The following MTA3 variants were observed in gnomAD, a reference collection of about 807,000 sequenced individuals.
The protein encoded by MTA3 is metastasis associated 1 family member 3, also known as metastasis-associated protein MTA3.
A neutral mutation model predicts 83.5 loss-of-function variants in MTA3; 34 were observed. The observed-to-expected ratio is 0.41, with a 90% CI of 0.31 to 0.54. MTA3 has a LOEUF of 0.54. Among genes scored for constraint, MTA3 ranks in the 20% least tolerant of loss-of-function variants. The pLI is 0.33. For missense variants in MTA3, 761 were observed against 726.4 expected (o/e 1.05, Z -0.55); for synonymous variants, 303 against 252.7 (o/e 1.20, Z -1.89).
intron 6 of MTA3, among the ~76,000 whole-genome samples, chr2:42,651,543 G>C (rs183502348): frequency 2.7e-5 from 4 of 150,696 alleles, no homozygotes; most frequent in African/African-American, 9.8e-5. Context: ...TAATCCCAGT[G>C]CTTAGGAATT....
intron 4 of MTA3, among the ~76,000 whole-genome samples, chr2:42,638,629 A>C (rs1687409732): frequency 1.3e-5 from 2 of 151,840 alleles, no homozygotes; most frequent in African/African-American, 2.4e-5. Flanking sequence ...GGCCTCCCAA[A>C]GTGCTGAGAT....
chr2:42,676,432 C>G (rs1477492715), intron 8 of MTA3, among the ~76,000 whole-genome samples: 1 of 152,136 alleles, frequency 6.6e-6, no homozygotes, highest in Non-Finnish European at 1.5e-5. Context: ...GAAAAATGCA[C>G]TTAATTCTGT....
intron 3 of MTA3, among the ~76,000 whole-genome samples, chr2:42,608,302 A>C (rs1683751965): frequency 1.3e-5 from 2 of 152,248 alleles, no homozygotes; most frequent in Admixed American, 1.3e-4. Flanking sequence ...TGCAGCAGCA[A>C]CTTTATCAAT....
At chr2:42,730,364 G>A (rs1436391771) in intron 16 of MTA3, among the ~76,000 whole-genome samples, 1 of 152,136 alleles carries the variant, frequency 6.6e-6, no homozygotes, top group African/African-American at 2.4e-5. Flanking sequence ...GTTATATATG[G>A]CTTTTATTGT....
At chr2:42,601,148 A>C (rs1291567206) in intron 3 of MTA3, among the ~76,000 whole-genome samples, 1 of 151,304 alleles carries the variant, frequency 6.6e-6, no homozygotes, top group Admixed American at 6.6e-5. Context: ...CTCACGATCT[A>C]CCCGCCTTGG....
intron 11 of MTA3, among the ~76,000 whole-genome samples, chr2:42,699,057 G>C (rs1399787221): frequency 2.0e-5 from 3 of 152,298 alleles, no homozygotes; most frequent in Middle Eastern, 3.4e-3. Flanking sequence ...CATTTGGCTA[G>C]TTTTGACCAA....
intron 16 of MTA3, among the ~76,000 whole-genome samples, chr2:42,725,872 T>A (rs1331469061): frequency 6.6e-6 from 1 of 152,126 alleles, no homozygotes; most frequent in Non-Finnish European, 1.5e-5. Context: ...ACCCCCAGCA[T>A]CATGGAGCTG....
At chr2:42,617,872 C>T (rs1021600752) in intron 4 of MTA3, among the ~76,000 whole-genome samples, 20 of 151,968 alleles carry the variant, frequency 1.3e-4, no homozygotes, top group Admixed American at 7.9e-4. Flanking sequence ...TTCCCCTCCT[C>T]GCTTGACAGT....
Position 42,753,857 on chromosome 2 carries a change from TC to T in MTA3, c.*459del. 1 of 990,328 alleles carries T rather than the reference TC, an allele frequency of 1.0e-6. No homozygotes were observed. The highest frequency in any genetic ancestry group is 1.2e-6 in the Non-Finnish European group (1 of 833,320). 61.3% of individuals were successfully genotyped at this position (990,328 alleles called of 1,614,324 possible). On this transcript the variant is annotated 3_prime_UTR_variant, in exon 17 of 17. Transcript: ENST00000405094. ...CATGGCATCTTTCTGAATGGATTTTTCTTAAGAAATGCGCCAGTGTTTATGA... is the reference window on the plus strand; with the variant it reads ...CATGGCATCTTTCTGAATGGATTTTTTTAAGAAATGCGCCAGTGTTTATGA...
At chr2:42,746,421 CT>C (rs1227807318) in intron 16 of MTA3, among the ~76,000 whole-genome samples, 1 of 152,136 alleles carries the variant, frequency 6.6e-6, no homozygotes, top group African/African-American at 2.4e-5. Context: ...TGTGTGGGGA[CT>C]TTTCCCCACA....
intron 3 of MTA3, among the ~76,000 whole-genome samples, chr2:42,605,817 C>T (rs867814443): frequency 7.9e-6 from 1 of 127,316 alleles, no homozygotes; most frequent in Non-Finnish European, 1.7e-5. Context: ...AGCTCCCAGA[C>T]GGGGCGGCTG....
chr2:42,542,073 C>T (rs915852444), intron 2 of MTA3, among the ~76,000 whole-genome samples: 1 of 152,102 alleles, frequency 6.6e-6, no homozygotes, highest in African/African-American at 2.4e-5. Context: ...ACTGATAATC[C>T]CTGCTTTATT....
intron 3 of MTA3, among the ~76,000 whole-genome samples, chr2:42,607,022 C>T (rs1008872818): frequency 7.6e-5 from 11 of 144,128 alleles, no homozygotes; most frequent in Admixed American, 6.2e-4. Flanking sequence ...GGCAGCAGTA[C>T]AGTCCAGCTT....
chr2:42,562,425 C>T (rs559340602), intron 2 of MTA3, among the ~76,000 whole-genome samples: 2 of 152,226 alleles, frequency 1.3e-5, no homozygotes, highest in East Asian at 3.9e-4. Flanking sequence ...CTCCCCCTCC[C>T]CACCCCAGCT....
At chr2:42,727,507 G>A (rs959460863) in intron 16 of MTA3, among the ~76,000 whole-genome samples, 6 of 152,162 alleles carry the variant, frequency 3.9e-5, no homozygotes, top group Non-Finnish European at 7.4e-5. Flanking sequence ...GAGGGCTTAG[G>A]CCAGCAGGGA....
intron 4 of MTA3, among the ~76,000 whole-genome samples, chr2:42,628,491 C>A (rs1046009545): frequency 2.6e-5 from 4 of 152,116 alleles, no homozygotes; most frequent in African/African-American, 9.7e-5. Context: ...GCCTCAGCCT[C>A]CCAAAGTGGT....
At chr2:42,706,062 A>C (rs750451464) in intron 12 of MTA3, among the ~76,000 whole-genome samples, 3 of 152,188 alleles carry the variant, frequency 2.0e-5, no homozygotes, top group Non-Finnish European at 4.4e-5. Flanking sequence ...TTTAGAATTC[A>C]AAATAGATTC....
intron 12 of MTA3, among the ~76,000 whole-genome samples, chr2:42,706,573 A>G (rs1307983360): frequency 2.0e-5 from 3 of 152,206 alleles, no homozygotes; most frequent in Non-Finnish European, 4.4e-5. Context: ...TTTGAAGGTA[A>G]CTTACAGGTC....
At chr2:42,657,735 C>G (rs1372839657) in intron 7 of MTA3, among the ~76,000 whole-genome samples, 1 of 141,928 alleles carries the variant, frequency 7.0e-6, no homozygotes, top group Non-Finnish European at 1.5e-5. Flanking sequence ...CAAGACAAAC[C>G]TGGGCAATAT....
Sources: allele counts gnomAD v4.1 joint callset (sites outside exome capture counted in the v4.1 genomes callset), GRCh38; gene constraint gnomAD v4.1.1; transcripts MANE v1.5; gene names NCBI Gene and HGNC (gene_info 2026-07-23, HGNC 2026-07-21).